Variants in BDP1 observed in about 807,000 individuals in gnomAD.
BDP1 encodes transcription factor TFIIIB component B'' homolog.
Under a neutral mutation model 266.6 loss-of-function variants are expected in BDP1, and 169 were observed. The ratio of observed to expected loss-of-function variants is 0.63; its 90% CI spans 0.56 to 0.72. The LOEUF is 0.72. BDP1 is among the 30% of genes least tolerant of loss of function. BDP1 has a pLI of 0.00. For synonymous variants in BDP1, 1,090 were observed against 1,022.4 expected, an observed-to-expected ratio of 1.07 and a Z score of -1.26; for missense variants, 3,015 against 3,053.8, an observed-to-expected ratio of 0.99 and a Z score of 0.30.
intron 33 of BDP1, 129 bp from the exon 34 acceptor site, chr5:71,549,291 G>A: frequency 1.3e-6 from 1 of 772,902 alleles, no homozygotes; most frequent in South Asian, 2.1e-5. Context: ...GTTGTTGGGG[G>A]GAGCATTTAT....
rs530615449 is a variant in BDP1, at chr5:71,459,405, G to T, written c.489+550G>T. On this transcript the variant is annotated intron_variant, in intron 2 of 38. Coordinates refer to ENST00000358731, the MANE Select transcript of BDP1 (RefSeq NM_018429.3). ...CGTGCATCTGTAATCCCAACTACTG[G>T]GGAGGCTGAGGCATGAGAATTGCTT... is the stretch of plus-strand genomic sequence containing the variant. 5.9e-5 allele frequency among the ~76,000 whole-genome samples: 9 copies of T among 152,262 alleles called. No individual in the cohort carries two copies. The South Asian group carries it at 1.7e-3, about 28-fold the overall frequency.
chr5:71,572,289 C>T (rs944996612), downstream of BDP1, among the ~76,000 whole-genome samples: 1 of 151,790 alleles, frequency 6.6e-6, no homozygotes, highest in Admixed American at 6.6e-5. Context: ...TGTCTTTATT[C>T]CCGCATTCAT....
In BDP1 at chr5:71,466,093, T is replaced by C. The variant is rs763388306; in HGVS notation, c.660-3T>C. ...TGAATTAACTTATCTTTATATGTGG[T>C]AGGCAAGAAGGTAAGAGTACTCCTA... On this transcript the variant is annotated splice_polypyrimidine_tract_variant and splice_region_variant and intron_variant, in intron 4 of 38. Coordinates refer to ENST00000358731, the MANE Select transcript of BDP1 (RefSeq NM_018429.3). 3 of 1,612,730 alleles carry C rather than the reference T, an allele frequency of 1.9e-6. No individual in the cohort carries two copies. Among genetic ancestry groups the C allele is most frequent in the Non-Finnish European group, 2.5e-6 (3 of 1,179,502 alleles).
chr5:71,499,543 C>T (rs878983063), intron 13 of BDP1, among the ~76,000 whole-genome samples: 5 of 152,022 alleles, frequency 3.3e-5, no homozygotes, highest in Admixed American at 3.3e-4. Context: ...CACTTGTACC[C>T]GGAAGGGAAG....
chr5:71,458,081 T>G (rs1247075849), intron 1 of BDP1, among the ~76,000 whole-genome samples: 3 of 152,212 alleles, frequency 2.0e-5, no homozygotes, highest in Non-Finnish European at 4.4e-5. Flanking sequence ...CTTCAAATAC[T>G]GCAATACAGA....
intron 26 of BDP1, among the ~76,000 whole-genome samples, chr5:71,534,959 T>C (rs932486611): frequency 4.6e-5 from 7 of 151,824 alleles, no homozygotes; most frequent in African/African-American, 1.7e-4. Flanking sequence ...TTTTCTTAAT[T>C]TCATTTTTGG....
At chr5:71,519,358 G>C (rs898934640) in intron 22 of BDP1, among the ~76,000 whole-genome samples, 1 of 152,090 alleles carries the variant, frequency 6.6e-6, no homozygotes, top group Non-Finnish European at 1.5e-5. Flanking sequence ...TACAATAAAT[G>C]ATTGTTAACT....
rs750816555 is a variant in BDP1 at position 71,456,065 on chromosome 5, C to T, written c.188C>T (p.Pro63Leu). Residue 63 changes from proline (P) to leucine (L), a missense_variant, in exon 1 of 39, where the codon CCC becomes CTC. By Grantham distance (98) the Pro-to-Leu change is moderately conservative. Around this residue, in one of 3 missense-constraint regions of BDP1, gnomAD observed 2,383 missense variants for 2,404.9 expected, o/e 0.99. Transcript: ENST00000358731. Reference protein sequence around the residue: ...VPTVDFGGAEPQEKAPRSSTE... With the variant: ...VPTVDFGGAELQEKAPRSSTE... The stretch of plus-strand genomic sequence containing the variant: ...ACAGTCGATTTCGGTGGAGCGGAGC[C>T]CCAAGAAAAGGCTCCTAGGAGCAGG... 15 of 1,613,096 alleles carry T rather than the reference C, an allele frequency of 9.3e-6. No homozygotes were observed. The South Asian group carries it at 1.3e-4, about 14-fold the overall frequency.
At chr5:71,533,859 T>C (rs1356879024) in intron 26 of BDP1, among the ~76,000 whole-genome samples, 1 of 152,194 alleles carries the variant, frequency 6.6e-6, no homozygotes, top group Non-Finnish European at 1.5e-5. Flanking sequence ...GTCAGGCACA[T>C]TTTATGTTCC....
At chr5:71,526,253 C>T (rs1361904372) in intron 25 of BDP1, among the ~76,000 whole-genome samples, 2 of 149,018 alleles carry the variant, frequency 1.3e-5, no homozygotes, top group East Asian at 4.0e-4. Context: ...CCCAGCCAAC[C>T]TCTGATTAAT....
intron 4 of BDP1, 86 bp downstream of exon 4, chr5:71,464,203 C>A: frequency 1.2e-6 from 1 of 843,246 alleles, no homozygotes; most frequent in Non-Finnish European, 1.8e-6. Context: ...AGTTGAATTA[C>A]ATTTGATTGG....
chr5:71,571,478 G>A (rs1358055698), downstream of BDP1, among the ~76,000 whole-genome samples: 1 of 152,110 alleles, frequency 6.6e-6, no homozygotes, highest in African/African-American at 2.4e-5. Context: ...GATACCCAGG[G>A]ACAACTGTGA....
chr5:71,504,272 CAAAA>C (rs35372314), intron 15 of BDP1, among the ~76,000 whole-genome samples: 4 of 112,042 alleles, frequency 3.6e-5, no homozygotes, highest in African/African-American at 7.1e-5. Context: ...GACTCCGTCT[CAAAA>C]AAAAAAAAAA....
Position 71,509,757 on chromosome 5 carries a change from C to A in BDP1, c.2665C>A (p.Leu889Ile). 6.2e-7 allele frequency: 1 copy of A among 1,614,088 alleles called. No individual in the cohort carries two copies. Among genetic ancestry groups the A allele is most frequent in the African/African-American group, 1.3e-5 (1 of 75,026 alleles). The part of the protein sequence containing the change: ...RRAISPREKI[L>I]DVIDDTIEME... ...AGCCATTTCTCCCAGGGAGAAGATT[C>A]TAGATGTGATTGATGACACCATAGA... Residue 889 changes from leucine (L) to isoleucine (I), a missense_variant, in exon 17 of 39, where the codon CTA becomes ATA. Leu to Ile is a conservative substitution (Grantham distance 5). Coordinates refer to ENST00000358731, the MANE Select transcript of BDP1 (RefSeq NM_018429.3).
chr5:71,524,465 T>C, intron 25 of BDP1, 142 bp downstream of exon 25: 2 of 952,980 alleles, frequency 2.1e-6, no homozygotes, highest in South Asian at 4.2e-5. Context: ...CCAAATATAA[T>C]TTGGGGCCTT....
intron 15 of BDP1, among the ~76,000 whole-genome samples, chr5:71,504,262 G>A (rs1764436502): frequency 7.5e-6 from 1 of 134,216 alleles, no homozygotes. Flanking sequence ...GACCGAGCAA[G>A]ACTCCGTCTC....
At position 71,517,472 on chromosome 5, in the gene BDP1, G is replaced by A; in HGVS notation, c.4991+20G>A. 6.5e-7 allele frequency: 1 copy of A among 1,537,966 alleles called. No individual in the cohort carries two copies. The highest frequency in any genetic ancestry group is 2.4e-5 in the Admixed American group (1 of 42,430). On this transcript the variant is annotated intron_variant, in intron 22 of 38. Coordinates refer to ENST00000358731, the MANE Select transcript of BDP1 (RefSeq NM_018429.3). The stretch of plus-strand genomic sequence containing the variant: ...AATCAGGTGAGTTTGCTTTTAATGA[G>A]AAAAAATAAGACTTTTCAAAGATAA...
At chr5:71,559,938 T>G (rs776562056) in intron 36 of BDP1, 44 bp from the exon 37 acceptor site, 32 of 1,598,280 alleles carry the variant, frequency 2.0e-5, no homozygotes, top group Admixed American at 8.6e-5. Context: ...ATGGAGTGTA[T>G]TAACTTCAGT....
chr5:71,514,588 G>A (rs982098055), intron 19 of BDP1, among the ~76,000 whole-genome samples: 3 of 152,148 alleles, frequency 2.0e-5, no homozygotes, highest in African/African-American at 7.2e-5. Context: ...TTTTAGATCA[G>A]TACAAAGAGA....
Sources: gnomAD v4.1 joint callset for allele counts (sites outside exome capture counted in the v4.1 genomes callset) on GRCh38, gnomAD v4.1.1 for gene constraint, gnomAD v4.1.1 regional missense constraint, MANE v1.5 for transcripts, NCBI Gene and HGNC (gene_info 2026-07-23, HGNC 2026-07-21) for gene names.